SATL1: variants seen among roughly 807,000 people sequenced by gnomAD.
SATL1 encodes spermidine/spermine N1-acetyl transferase like 1.
In SATL1, 47 loss-of-function variants were observed where a neutral mutation model predicts 51.8. The observed-to-expected ratio is 0.91, with a 90% CI of 0.72 to 1.16. SATL1 has a LOEUF of 1.16. SATL1 is among the 50% of genes most tolerant of loss of function. The probability of loss-of-function intolerance (pLI) is 0.00; values close to 1 mark genes in which losing one functional copy is unlikely to be tolerated. For synonymous variants in SATL1, 176 were observed against 182.4 expected (o/e 0.97, Z 0.28); for missense variants, 520 against 526.4 (o/e 0.99, Z 0.12).
At chrX:85,131,439 A>G (rs1425224788) in intron 2 of SATL1, among the ~76,000 whole-genome samples, 4 of 109,887 alleles carry the variant, frequency 3.6e-5, no homozygotes, top group Non-Finnish European at 7.6e-5. Flanking sequence ...GCTGGTTTAA[A>G]GTCTCTTTTA....
chrX:85,234,307 ATCAG>A (rs1928440440), intron 1 of SATL1, among the ~76,000 whole-genome samples: 1 of 112,315 alleles, frequency 8.9e-6, no homozygotes, highest in Non-Finnish European at 1.9e-5. Flanking sequence ...AAAGGAGTTC[ATCAG>A]TCTGAAAGAA....
intron 4 of SATL1, among the ~76,000 whole-genome samples, chrX:85,096,556 C>G (rs983931963): frequency 4.5e-5 from 5 of 111,235 alleles, no homozygotes; most frequent in African/African-American, 9.8e-5. Context: ...GCTCAACAAA[C>G]TCTAACTAGG....
chrX:85,145,353 G>T (rs762617067), intron 2 of SATL1, among the ~76,000 whole-genome samples: 1 of 111,551 alleles, frequency 9.0e-6, no homozygotes, highest in East Asian at 2.8e-4. Context: ...ATAGATCTTT[G>T]TTTTAACCAT....
At chrX:85,172,199 A>T (rs1026182040) in intron 2 of SATL1, among the ~76,000 whole-genome samples, 6 of 111,642 alleles carry the variant, frequency 5.4e-5, no homozygotes, top group Non-Finnish European at 1.1e-4. Context: ...GTGGATATTT[A>T]CCTAAAGAGG....
intron 2 of SATL1, among the ~76,000 whole-genome samples, chrX:85,161,607 A>G (rs888614257): frequency 9.0e-6 from 1 of 111,665 alleles, no homozygotes; most frequent in Non-Finnish European, 1.9e-5. Flanking sequence ...TCAATTCAAC[A>G]AGAAGACCTA....
chrX:85,228,346 A>G (rs1928316401), intron 1 of SATL1, among the ~76,000 whole-genome samples: 1 of 110,867 alleles, frequency 9.0e-6, no homozygotes, highest in African/African-American at 3.3e-5. Flanking sequence ...TATCTGCCCT[A>G]TTAATTTCCC....
At position 85,212,332 on chromosome X, in the gene SATL1, C is replaced by T. The variant is rs185735549; in HGVS notation, c.-313+11873G>A. Among the ~76,000 whole-genome samples, 143 of 111,673 alleles carry T rather than the reference C, an allele frequency of 1.3e-3. 1 individual carries two copies. The highest frequency in any genetic ancestry group is 4.4e-3 in the African/African-American group (135 of 30,832). ...ACATTTCCTGAGAAAAAAGTCAGTA[C>T]TGACTAAAATTAATCTGTAAGATTT... On this transcript the variant is annotated intron_variant, in intron 2 of 7. Transcript: ENST00000644105.
At chrX:85,201,919 GA>G (rs1958712315) in intron 2 of SATL1, among the ~76,000 whole-genome samples, 1 of 112,165 alleles carries the variant, frequency 8.9e-6, no homozygotes, top group African/African-American at 3.2e-5. Flanking sequence ...GTGCTGCAAT[GA>G]ACATTTATGT....
At chrX:85,139,564 T>C (rs905097987) in intron 2 of SATL1, among the ~76,000 whole-genome samples, 1 of 111,242 alleles carries the variant, frequency 9.0e-6, no homozygotes, top group African/African-American at 3.3e-5. Context: ...TGAGCAAGAA[T>C]TCATTTAAGG....
At chrX:85,131,824 G>T (rs1169827090) in intron 2 of SATL1, among the ~76,000 whole-genome samples, 1 of 111,591 alleles carries the variant, frequency 9.0e-6, no homozygotes, top group Non-Finnish European at 1.9e-5. Flanking sequence ...TCCTTCAGGA[G>T]CTCTTGTAAG....
chrX:85,142,157 G>A (rs745737679), intron 2 of SATL1, among the ~76,000 whole-genome samples: 429 of 107,462 alleles, frequency 4.0e-3, no homozygotes, highest in Non-Finnish European at 7.2e-3. Context: ...AGCACTTTGG[G>A]AGGCTGAGGC....
In SATL1 at chrX:85,192,364, C is replaced by T. The variant is rs778293704; in HGVS notation, c.-313+31841G>A. On this transcript the variant is annotated intron_variant, in intron 2 of 7. Coordinates refer to ENST00000644105, the MANE Select transcript of SATL1 (RefSeq NM_001367857.2). The stretch of plus-strand genomic sequence containing the variant: ...CTCATAAAGCCTTTCCTGGTTGCCC[C>T]CTGCCTTCTTTGCCAACCTCATTTT... Among the ~76,000 whole-genome samples, 4 of 111,341 alleles carry T rather than the reference C, an allele frequency of 3.6e-5. No individual in the cohort carries two copies. The South Asian group carries it at 1.5e-3, about 42-fold the overall frequency.
In SATL1 at chrX:85,220,006, GA is replaced by G. The variant is rs35859225; in HGVS notation, c.-313+4198del. On this transcript the variant is annotated intron_variant, in intron 2 of 7. Transcript: ENST00000644105. Reference sequence around the variant, plus strand: ...TACTGAAAGAAATACTGAAGAGATAGAAAAAAAAAAAAAAACACCTTGAATC... The same window carrying G: ...TACTGAAAGAAATACTGAAGAGATAGAAAAAAAAAAAAAACACCTTGAATC... 5.7e-3 allele frequency among the ~76,000 whole-genome samples: 460 copies of G among 80,204 alleles called. 2 individuals carry two copies. Among genetic ancestry groups the G allele is most frequent in the East Asian group, 0.013 (32 of 2,437 alleles). 69.6% of individuals were successfully genotyped at this position (80,204 alleles called of 115,157 possible). A position where few individuals can be genotyped will look rare whatever the true frequency, so the allele number is the denominator to read the frequency against.
At chrX:85,166,838 C>A (rs1438760730) in intron 2 of SATL1, among the ~76,000 whole-genome samples, 1 of 107,307 alleles carries the variant, frequency 9.3e-6, no homozygotes, top group African/African-American at 3.4e-5. Flanking sequence ...CATGTTTATA[C>A]CAGCACAATC....
intron 2 of SATL1, among the ~76,000 whole-genome samples, chrX:85,187,770 T>G (rs1927344970): frequency 8.9e-6 from 1 of 111,827 alleles, no homozygotes; most frequent in East Asian, 2.8e-4. Context: ...AATATTGGCC[T>G]GTAGTTTTGT....
At chrX:85,216,118 T>C (rs1229419643) in intron 2 of SATL1, among the ~76,000 whole-genome samples, 1 of 111,536 alleles carries the variant, frequency 9.0e-6, no homozygotes, top group African/African-American at 3.3e-5. Flanking sequence ...GGCATGTACA[T>C]AAATCACATG....
chrX:85,092,396 C>T lies in SATL1; in HGVS notation c.2083G>A (p.Glu695Lys), dbSNP rs746987868. Residue 695 changes from glutamate (E) to lysine (K), a missense_variant, in exon 8 of 8, where the codon GAA becomes AAA. This residue lies in a region of SATL1 where 488 missense variants were observed against 474.3 expected (regional missense o/e 1.03). Coordinates refer to ENST00000644105, the MANE Select transcript of SATL1 (RefSeq NM_001367857.2). ...GAGTTGTTACAAAGCCTCTTTCATT[C>T]TTCCCATGCCATGTCCAGGAGTTCT... ...REELLDMAWE[E>K] The T allele has an allele frequency of 4.3e-6, 5 of 1,164,808 alleles. No individual in the cohort carries two copies. Among genetic ancestry groups the T allele is most frequent in the Non-Finnish European group, 5.7e-6 (5 of 872,809 alleles).
chrX:85,133,890 A>T (rs977582148), intron 2 of SATL1, among the ~76,000 whole-genome samples: 3 of 112,319 alleles, frequency 2.7e-5, no homozygotes, highest in African/African-American at 9.7e-5. Flanking sequence ...CCTGTTTTAT[A>T]TAATTATCAA....
intron 2 of SATL1, among the ~76,000 whole-genome samples, chrX:85,155,929 T>C (rs1172138345): frequency 9.0e-6 from 1 of 111,450 alleles, no homozygotes; most frequent in Non-Finnish European, 1.9e-5. Flanking sequence ...GCAATTTACT[T>C]TTGGGTGTTT....
Sources: gnomAD v4.1 joint callset for allele counts (sites outside exome capture counted in the v4.1 genomes callset) on GRCh38, gnomAD v4.1.1 for gene constraint, gnomAD v4.1.1 regional missense constraint, MANE v1.5 for transcripts, NCBI Gene and HGNC (gene_info 2026-07-23, HGNC 2026-07-21) for gene names.